Variants in DENND2A observed in about 807,000 individuals in gnomAD.
DENND2A encodes DENN domain-containing protein 2A.
Under a neutral mutation model 105.3 loss-of-function variants are expected in DENND2A, and 53 were observed. The ratio of observed to expected loss-of-function variants is 0.50; its 90% CI spans 0.40 to 0.63. The LOEUF (loss-of-function observed/expected upper bound fraction) is 0.63, where lower values mean the gene tolerates loss of function less well. DENND2A is among the 30% of genes least tolerant of loss of function. DENND2A has a pLI of 0.00. For synonymous variants in DENND2A, 522 were observed against 508.4 expected (o/e 1.03, Z -0.36); for missense variants, 1,138 against 1,279.6 (o/e 0.89, Z 1.69).
intron 12 of DENND2A, 40 bp downstream of exon 12, chr7:140,555,596 G>A (rs376614456): frequency 2.7e-5 from 43 of 1,594,878 alleles, no homozygotes; most frequent in South Asian, 3.3e-5. Context: ...GAGCCCTCCC[G>A]TTCCTTCCCT....
chr7:140,617,216 A>G (rs1355941200), intron 1 of DENND2A, among the ~76,000 whole-genome samples: 1 of 152,192 alleles, frequency 6.6e-6, no homozygotes, highest in East Asian at 1.9e-4. Flanking sequence ...TGGGAATCTG[A>G]CGCAGGTGCT....
intron 3 of DENND2A, among the ~76,000 whole-genome samples, chr7:140,595,735 T>G (rs1430881804): frequency 6.6e-6 from 1 of 151,588 alleles, no homozygotes; most frequent in African/African-American, 2.4e-5. Flanking sequence ...ACCACTGCAC[T>G]CCGGCCTGGG....
chr7:140,579,543 C>T (rs1798448754), intron 5 of DENND2A, among the ~76,000 whole-genome samples: 1 of 151,784 alleles, frequency 6.6e-6, no homozygotes, highest in Admixed American at 6.6e-5. Flanking sequence ...CAGGCGCACA[C>T]CACTGCACCC....
Position 140,567,243 on chromosome 7 carries a change from G to A in DENND2A, c.1622C>T (p.Ser541Phe). 6.2e-7 allele frequency: 1 copy of A among 1,612,154 alleles called. No homozygotes were observed. The highest frequency in any genetic ancestry group is 8.5e-7 in the Non-Finnish European group (1 of 1,179,382). ...AHSQRLVNVKSRLKQAPRYPS... is the reference protein window; with the variant it reads ...AHSQRLVNVKFRLKQAPRYPS... ...GTACCGAGGCGCCTGCTTCAGCCGGGACTTCACGTTGACCAGGCGCTGGCT... is the reference window on the plus strand; with the variant it reads ...GTACCGAGGCGCCTGCTTCAGCCGGAACTTCACGTTGACCAGGCGCTGGCT... Residue 541 changes from serine to phenylalanine, a missense_variant, in exon 9 of 20, where the codon TCC becomes TTC. Ser to Phe is a radical substitution (Grantham distance 155). This residue lies in a region of DENND2A where 627 missense variants were observed against 779.8 expected (regional missense o/e 0.80). Coordinates refer to ENST00000496613, the MANE Select transcript of DENND2A (RefSeq NM_015689.5).
At chr7:140,593,289 C>G (rs1461577478) in intron 3 of DENND2A, among the ~76,000 whole-genome samples, 1 of 152,170 alleles carries the variant, frequency 6.6e-6, no homozygotes, top group Non-Finnish European at 1.5e-5. Flanking sequence ...GAGCCCACAG[C>G]CTGGGGAAGA....
At chr7:140,538,160 C>T (rs1796512017) in intron 14 of DENND2A, among the ~76,000 whole-genome samples, 1 of 152,130 alleles carries the variant, frequency 6.6e-6, no homozygotes, top group African/African-American at 2.4e-5. Context: ...ACAATCTTTG[C>T]CATAACTCCC....
At chr7:140,557,232 C>G (rs1797398005) in intron 11 of DENND2A, among the ~76,000 whole-genome samples, 1 of 151,580 alleles carries the variant, frequency 6.6e-6, no homozygotes, top group Non-Finnish European at 1.5e-5. Context: ...CAGCAAGATC[C>G]TGTCTCTACA....
rs143794727 is a variant in DENND2A at position 140,557,239 on chromosome 7, TAC to T, written c.1959+902_1959+903del. ...GGGCAACACAGCAAGATCCTGTCTC[TAC>T]AAATAATTAAAAAATTAGCCATGTG... is the stretch of plus-strand genomic sequence containing the variant. On this transcript the variant is annotated intron_variant, in intron 11 of 19. Coordinates refer to ENST00000496613, the MANE Select transcript of DENND2A (RefSeq NM_015689.5). 1.1e-3 allele frequency among the ~76,000 whole-genome samples: 166 copies of T among 151,670 alleles called. 1 individual carries two copies. The East Asian group carries it at 0.026, about 24-fold the overall frequency.
chr7:140,579,155 T>C (rs1798429571), intron 5 of DENND2A, among the ~76,000 whole-genome samples: 1 of 151,642 alleles, frequency 6.6e-6, no homozygotes, highest in Admixed American at 6.6e-5. Context: ...TAGCTGGGCA[T>C]GGTGGCGCAC....
intron 4 of DENND2A, among the ~76,000 whole-genome samples, chr7:140,586,899 G>T (rs1180862076): frequency 6.6e-6 from 1 of 152,078 alleles, no homozygotes; most frequent in Non-Finnish European, 1.5e-5. Flanking sequence ...ACACACATAT[G>T]GGTTTCTCCC....
At chr7:140,615,416 T>C (rs892933334) in intron 1 of DENND2A, among the ~76,000 whole-genome samples, 1 of 152,120 alleles carries the variant, frequency 6.6e-6, no homozygotes, top group Admixed American at 6.6e-5. Flanking sequence ...AAACTGTGCC[T>C]GCACAAAAGC....
chr7:140,553,368 C>T (rs1041257081), intron 12 of DENND2A, among the ~76,000 whole-genome samples: 2 of 152,230 alleles, frequency 1.3e-5, no homozygotes, highest in Non-Finnish European at 1.5e-5. Flanking sequence ...AGCCCTAAGG[C>T]GGTTTTTCCC....
chr7:140,633,114 C>T (rs1257595095), intron 1 of DENND2A, among the ~76,000 whole-genome samples: 9 of 151,636 alleles, frequency 5.9e-5, no homozygotes, highest in East Asian at 1.9e-4. Flanking sequence ...CTGCAAGCTC[C>T]GCCTCCCGCG....
intron 12 of DENND2A, among the ~76,000 whole-genome samples, chr7:140,550,663 T>C (rs1007369854): frequency 6.6e-6 from 1 of 152,068 alleles, no homozygotes; most frequent in Non-Finnish European, 1.5e-5. Flanking sequence ...GGTTTCACCA[T>C]GTTGGTCAGG....
chr7:140,637,106 T>TCCCAAAG (rs1335701181), intron 1 of DENND2A, among the ~76,000 whole-genome samples: 1 of 151,824 alleles, frequency 6.6e-6, no homozygotes, highest in African/African-American at 2.4e-5. Context: ...TGCCTCGGCC[T>TCCCAAAG]CCCAAAGCGT....
chr7:140,629,404 G>A (rs1563188603), intron 1 of DENND2A, among the ~76,000 whole-genome samples: 2 of 152,268 alleles, frequency 1.3e-5, no homozygotes, highest in East Asian at 3.9e-4. Flanking sequence ...TGCTCCTGAG[G>A]AGGCCAGTGC....
At chr7:140,535,774 G>A (rs2130494996) in intron 14 of DENND2A, among the ~76,000 whole-genome samples, 1 of 152,086 alleles carries the variant, frequency 6.6e-6, no homozygotes, top group East Asian at 2.0e-4. Context: ...TACAGATGTG[G>A]TTTCACCATG....
Position 140,585,583 on chromosome 7 carries a change from T to C in DENND2A, c.1245+6A>G, listed in dbSNP as rs377485057. The C allele has an allele frequency of 3.1e-6, 5 of 1,613,938 alleles. No individual in the cohort carries two copies. Among genetic ancestry groups the C allele is most frequent in the Non-Finnish European group, 4.2e-6 (5 of 1,180,006 alleles). ...TCTCCTGCCACCATTCCCAGGGGAC[T>C]CATACCTTGGTGAGTGTGTCAGGGA... is the stretch of plus-strand genomic sequence containing the variant. On this transcript the variant is annotated splice_donor_region_variant and intron_variant, in intron 5 of 19. Coordinates refer to ENST00000496613, the MANE Select transcript of DENND2A (RefSeq NM_015689.5).
chr7:140,553,561 A>C (rs537341597), intron 12 of DENND2A, among the ~76,000 whole-genome samples: 220 of 152,248 alleles, frequency 1.4e-3, no homozygotes, highest in Middle Eastern at 3.4e-3. Flanking sequence ...AGGTCTTTCC[A>C]TTCCCAGGAG....
Sources: gnomAD v4.1 joint callset for allele counts (sites outside exome capture counted in the v4.1 genomes callset) on GRCh38, gnomAD v4.1.1 for gene constraint, gnomAD v4.1.1 regional missense constraint, MANE v1.5 for transcripts, NCBI Gene and HGNC (gene_info 2026-07-23, HGNC 2026-07-21) for gene names.